Variants in NBEA observed in about 807,000 individuals in gnomAD.
NBEA encodes the protein neurobeachin.
In NBEA, 44 loss-of-function variants were observed where a neutral mutation model predicts 343.4. That is an observed-to-expected ratio of 0.13 (90% CI 0.10 to 0.16). NBEA has a LOEUF of 0.16. Ranked by LOEUF, NBEA falls within the 10% of genes least tolerant of loss-of-function variation. The probability of loss-of-function intolerance (pLI) is 1.00; values close to 1 mark genes in which losing one functional copy is unlikely to be tolerated. For synonymous variants in NBEA, 1,175 were observed against 1,238.7 expected (o/e 0.95, Z 1.08); for missense variants, 2,555 against 3,631.3 (o/e 0.70, Z 7.62).
intron 47 of NBEA, among the ~76,000 whole-genome samples, chr13:35,599,121 A>G (rs951479851): frequency 1.3e-5 from 2 of 152,166 alleles, no homozygotes; most frequent in African/African-American, 4.8e-5. Context: ...ACTACTTAAG[A>G]GGGACTGCTT....
At chr13:35,071,973 C>T (rs1397482416) in intron 10 of NBEA, among the ~76,000 whole-genome samples, 1 of 151,990 alleles carries the variant, frequency 6.6e-6, no homozygotes, top group Non-Finnish European at 1.5e-5. Flanking sequence ...AAGTAAAAAG[C>T]TTTGAAGTGA....
Position 35,406,797 on chromosome 13 carries a change from T to C in NBEA, c.6180-25472T>C, listed in dbSNP as rs993648433. ...CACTCAATTGTTAATTTTGTTCCTC[T>C]TCTTTTAGCTGAAATTCAGATTTTA... is the stretch of plus-strand genomic sequence containing the variant. On this transcript the variant is annotated intron_variant, in intron 38 of 58. Transcript: ENST00000379939. Among the ~76,000 whole-genome samples, 12 of 152,298 alleles carry C rather than the reference T, an allele frequency of 7.9e-5. No homozygotes were observed. The East Asian group carries it at 2.3e-3, about 29-fold the overall frequency.
intron 39 of NBEA, among the ~76,000 whole-genome samples, chr13:35,439,507 G>T (rs1416581130): frequency 1.3e-5 from 2 of 152,112 alleles, no homozygotes; most frequent in Admixed American, 6.5e-5. Context: ...CCTTTGAATG[G>T]CCTTAATATT....
intron 38 of NBEA, among the ~76,000 whole-genome samples, chr13:35,378,632 AG>A (rs2041862658): frequency 6.6e-6 from 1 of 152,040 alleles, no homozygotes; most frequent in Admixed American, 6.6e-5. Context: ...AAAGGCAAAG[AG>A]GCATGACTGA....
At chr13:35,009,247 G>T (rs933105374) in intron 1 of NBEA, among the ~76,000 whole-genome samples, 2 of 152,142 alleles carry the variant, frequency 1.3e-5, no homozygotes, top group Non-Finnish European at 2.9e-5. Context: ...TCTCCCACAG[G>T]TTACATTTTA....
intron 1 of NBEA, among the ~76,000 whole-genome samples, chr13:35,024,675 G>A (rs2152543903): frequency 6.6e-6 from 1 of 152,182 alleles, no homozygotes; most frequent in African/African-American, 2.4e-5. Flanking sequence ...GCAAAACTCT[G>A]TCTCAAAATA....
intron 36 of NBEA, among the ~76,000 whole-genome samples, chr13:35,334,758 C>T (rs1484314566): frequency 6.6e-6 from 1 of 152,004 alleles, no homozygotes; most frequent in East Asian, 1.9e-4. Flanking sequence ...GTTATTAATC[C>T]CTTGTCAGAT....
intron 17 of NBEA, 41 bp downstream of exon 17, chr13:35,123,615 T>C (rs1593422139): frequency 2.4e-6 from 3 of 1,248,374 alleles, no homozygotes; most frequent in Non-Finnish European, 2.1e-6. Context: ...GAAATAACTA[T>C]TGAGATTATG....
At chr13:35,239,228 T>A (rs1382201749) in intron 34 of NBEA, among the ~76,000 whole-genome samples, 1 of 152,050 alleles carries the variant, frequency 6.6e-6, no homozygotes, top group East Asian at 1.9e-4. Flanking sequence ...AGGTGACAGG[T>A]ATCTCATTGG....
Position 35,120,704 on chromosome 13 carries a change from T to C in NBEA, c.2243+2230T>C, listed in dbSNP as rs541488297. ...CCCTTGTAATAACAGAACACTGAAG[T>C]AAGCAGCTAAAAATTTGATGTTTTT... is the stretch of plus-strand genomic sequence containing the variant. On this transcript the variant is annotated intron_variant, in intron 16 of 58. Coordinates refer to ENST00000379939, the MANE Select transcript of NBEA (RefSeq NM_001385012.1). Among the ~76,000 whole-genome samples the C allele has an allele frequency of 8.4e-4, 109 of 129,374 alleles. 15 individuals carry two copies. Among genetic ancestry groups the C allele is most frequent in the African/African-American group, 4.1e-3 (102 of 24,782 alleles). 84.9% of individuals were successfully genotyped at this position (129,374 alleles called of 152,430 possible).
chr13:35,615,141 AAAC>A lies in NBEA; in HGVS notation c.7449+8566_7449+8568del, dbSNP rs1258622149. On this transcript the variant is annotated intron_variant, in intron 48 of 58. Transcript: ENST00000379939. ...TCTACTAAAAATACAAAAAAAAAAA[AAAC>A]AAAAAAAAATTAACAAGGCATGGTG... 2.8e-4 allele frequency among the ~76,000 whole-genome samples: 40 copies of A among 140,708 alleles called. 1 individual carries two copies. The highest frequency in any genetic ancestry group is 8.9e-4 in the African/African-American group (29 of 32,614). The allele number at this position is 140,708 out of a possible 152,430, so 92.3% of individuals were successfully genotyped here. A position where few individuals can be genotyped will look rare whatever the true frequency, so the allele number is the denominator to read the frequency against.
chr13:35,439,671 G>A (rs2045628785), intron 39 of NBEA, among the ~76,000 whole-genome samples: 1 of 152,114 alleles, frequency 6.6e-6, no homozygotes. Context: ...CATGGCACAT[G>A]TATACATATG....
chr13:35,508,403 G>A (rs2077152818), intron 41 of NBEA, among the ~76,000 whole-genome samples: 1 of 152,148 alleles, frequency 6.6e-6, no homozygotes, highest in Non-Finnish European at 1.5e-5. Context: ...GGTATTTCAA[G>A]CAGATTTACT....
chr13:35,268,528 T>C (rs921490582), intron 34 of NBEA, among the ~76,000 whole-genome samples: 5 of 152,014 alleles, frequency 3.3e-5, no homozygotes, highest in African/African-American at 1.2e-4. Flanking sequence ...TGTACCACAG[T>C]AAAATATTGG....
At chr13:35,189,129 G>C (rs1490165700) in intron 30 of NBEA, among the ~76,000 whole-genome samples, 1 of 151,890 alleles carries the variant, frequency 6.6e-6, no homozygotes, top group Non-Finnish European at 1.5e-5. Context: ...ATCTTGGCCA[G>C]GCTGGGCTTG....
At chr13:35,291,347 C>T (rs917560524) in intron 35 of NBEA, among the ~76,000 whole-genome samples, 1 of 151,864 alleles carries the variant, frequency 6.6e-6, no homozygotes, top group African/African-American at 2.4e-5. Context: ...TCAAGTGATC[C>T]TCTAAAACAT....
At chr13:35,442,042 G>T (rs533279490) in intron 39 of NBEA, among the ~76,000 whole-genome samples, 2 of 151,976 alleles carry the variant, frequency 1.3e-5, no homozygotes, top group East Asian at 3.9e-4. Flanking sequence ...CTCCCTCCCT[G>T]CCTCCCTCCT....
intron 38 of NBEA, among the ~76,000 whole-genome samples, chr13:35,394,663 A>T (rs2042659664): frequency 6.6e-6 from 1 of 152,072 alleles, no homozygotes; most frequent in Admixed American, 6.6e-5. Context: ...ACAGAACATG[A>T]ACTCACTTCC....
intron 41 of NBEA, among the ~76,000 whole-genome samples, chr13:35,546,843 G>C (rs550340337): frequency 6.6e-6 from 1 of 151,980 alleles, no homozygotes; most frequent in African/African-American, 2.4e-5. Flanking sequence ...GTGAGCCACC[G>C]CTCCCGGCCT....
Sources: allele counts gnomAD v4.1 joint callset (sites outside exome capture counted in the v4.1 genomes callset), GRCh38; gene constraint gnomAD v4.1.1; transcripts MANE v1.5; gene names NCBI Gene and HGNC (gene_info 2026-07-23, HGNC 2026-07-21).